The following RBFOX1 variants were observed in gnomAD, a reference collection of about 807,000 sequenced individuals.
RBFOX1 encodes RNA binding protein fox-1 homolog 1.
In RBFOX1, 8 loss-of-function variants were observed where a neutral mutation model predicts 57.7. The ratio of observed to expected loss-of-function variants is 0.14; its 90% CI spans 0.08 to 0.25. The LOEUF is 0.25. Among genes scored for constraint, RBFOX1 ranks in the 10% least tolerant of loss-of-function variants. The pLI, the probability that RBFOX1 is intolerant of heterozygous loss-of-function variation, is 1.00. For synonymous variants in RBFOX1, 326 were observed against 222.4 expected (o/e 1.47, Z -4.15); for missense variants, 611 against 548.5 (o/e 1.11, Z -1.14).
chr16:6,782,095 C>T (rs1329769631), intron 3 of RBFOX1, among the ~76,000 whole-genome samples: 1 of 152,124 alleles, frequency 6.6e-6, no homozygotes, highest in Non-Finnish European at 1.5e-5. Context: ...CAACCTCCGC[C>T]TCCTGGGTTC....
At chr16:7,441,667 T>G (rs1052009109) in intron 4 of RBFOX1, among the ~76,000 whole-genome samples, 1 of 152,322 alleles carries the variant, frequency 6.6e-6, no homozygotes. Flanking sequence ...AATCGAAATT[T>G]TTGGCTTCTT....
At chr16:5,735,848 C>T (rs947194407) in intron 3 of RBFOX1, among the ~76,000 whole-genome samples, 1 of 152,076 alleles carries the variant, frequency 6.6e-6, no homozygotes, top group Admixed American at 6.6e-5. Flanking sequence ...TGCACTCCAG[C>T]CTTGGTGACA....
chr16:7,375,607 C>T (rs1328857602), intron 4 of RBFOX1, among the ~76,000 whole-genome samples: 1 of 151,574 alleles, frequency 6.6e-6, no homozygotes, highest in Admixed American at 6.6e-5. Flanking sequence ...CTAGTTCTTC[C>T]CAAAAGGTAG....
chr16:7,654,069 C>T (rs1303009622), intron 12 of RBFOX1, 122 bp downstream of exon 12: 32 of 1,045,918 alleles, frequency 3.1e-5, no homozygotes, highest in Non-Finnish European at 3.7e-5. Flanking sequence ...GAACCGCCCC[C>T]AGCATGCAGC....
rs78537554 is a variant in RBFOX1, at chr16:5,836,925, C to G, written c.319-30378C>G. Among the ~76,000 whole-genome samples, 460 of 152,302 alleles carry G rather than the reference C, an allele frequency of 3.0e-3. 3 individuals carry two copies. The highest frequency in any genetic ancestry group is 0.011 in the African/African-American group (437 of 41,560). On this transcript the variant is annotated intron_variant, in intron 3 of 19. Coordinates refer to the RBFOX1 transcript ENST00000641259. ...TGACTTGTTTCCTGGTCTCCAACCT[C>G]ACTTCTTCCAATGCATCCTCCACAC... is the stretch of plus-strand genomic sequence containing the variant.
chr16:7,060,090 T>C (rs781659805), intron 4 of RBFOX1, among the ~76,000 whole-genome samples: 18 of 152,168 alleles, frequency 1.2e-4, no homozygotes, highest in Admixed American at 1.2e-3. Flanking sequence ...AAACCCAGAA[T>C]TGATACCATA....
chr16:5,897,105 G>A (rs1184877637), intron 4 of RBFOX1, among the ~76,000 whole-genome samples: 1 of 139,064 alleles, frequency 7.2e-6, no homozygotes, highest in African/African-American at 2.7e-5. Context: ...GCGCAATCTC[G>A]GCTCACTGCA....
intron 4 of RBFOX1, among the ~76,000 whole-genome samples, chr16:5,871,112 A>G (rs1024791225): frequency 5.3e-5 from 8 of 152,240 alleles, no homozygotes; most frequent in Admixed American, 4.6e-4. Context: ...TTCATGGCAT[A>G]TGCCACCCCT....
intron 4 of RBFOX1, among the ~76,000 whole-genome samples, chr16:5,976,386 G>A (rs915541041): frequency 6.6e-6 from 1 of 152,134 alleles, no homozygotes; most frequent in African/African-American, 2.4e-5. Context: ...GTTTTGTAGA[G>A]AAGAGCGGAA....
intron 4 of RBFOX1, among the ~76,000 whole-genome samples, chr16:7,093,555 G>C (rs1200961977): frequency 1.3e-5 from 2 of 152,202 alleles, no homozygotes; most frequent in African/African-American, 4.8e-5. Context: ...GAGGAATGAT[G>C]ATGGACCCTC....
intron 2 of RBFOX1, among the ~76,000 whole-genome samples, chr16:6,399,516 C>G (rs144422793): frequency 9.1e-4 from 138 of 152,288 alleles, no homozygotes; most frequent in African/African-American, 3.2e-3. Context: ...CTGAGACCAC[C>G]TCAGCCAGGA....
chr16:6,085,419 T>G (rs2096069325), intron 1 of RBFOX1, among the ~76,000 whole-genome samples: 1 of 152,146 alleles, frequency 6.6e-6, no homozygotes. Flanking sequence ...AGTACAGGTA[T>G]GCGCCGCTAT....
At chr16:5,329,178 A>G (rs2064673406) in intron 1 of RBFOX1, among the ~76,000 whole-genome samples, 1 of 152,202 alleles carries the variant, frequency 6.6e-6, no homozygotes, top group Admixed American at 6.5e-5. Context: ...AAACCGTATT[A>G]GTTTGTTCTT....
intron 4 of RBFOX1, among the ~76,000 whole-genome samples, chr16:7,187,197 G>A (rs1398674730): frequency 4.6e-5 from 7 of 151,628 alleles, no homozygotes; most frequent in Non-Finnish European, 1.0e-4. Context: ...TAAATAAAAT[G>A]TAGCTCTCTA....
intron 3 of RBFOX1, among the ~76,000 whole-genome samples, chr16:6,718,815 A>T (rs577005384): frequency 1.3e-5 from 2 of 152,290 alleles, no homozygotes; most frequent in South Asian, 4.1e-4. Context: ...ACACACTGGC[A>T]GAAGAGATGT....
intron 3 of RBFOX1, among the ~76,000 whole-genome samples, chr16:7,020,472 A>G (rs1478371157): frequency 6.6e-6 from 1 of 152,020 alleles, no homozygotes; most frequent in African/African-American, 2.4e-5. Flanking sequence ...ACCTGCCTCA[A>G]CCTCCCAAAG....
At chr16:5,289,210 C>T (rs770508926) in intron 1 of RBFOX1, 8 of 330,380 alleles carry the variant, frequency 2.4e-5, no homozygotes, top group South Asian at 9.1e-5. Context: ...TCTGTCTGGT[C>T]GAGTCATTCT....
At chr16:7,107,905 G>A (rs1206689761) in intron 4 of RBFOX1, among the ~76,000 whole-genome samples, 1 of 151,832 alleles carries the variant, frequency 6.6e-6, no homozygotes, top group African/African-American at 2.4e-5. Flanking sequence ...ACGGTGGAGG[G>A]ATTTTTCTGA....
intron 3 of RBFOX1, among the ~76,000 whole-genome samples, chr16:6,924,078 G>A (rs1597356598): frequency 6.6e-6 from 1 of 151,834 alleles, no homozygotes; most frequent in African/African-American, 2.4e-5. Context: ...ACTGAGGCAT[G>A]AGAGTCGCTT....
Sources: gnomAD v4.1 joint callset for allele counts (sites outside exome capture counted in the v4.1 genomes callset) on GRCh38, gnomAD v4.1.1 for gene constraint, MANE v1.5 for transcripts, NCBI Gene and HGNC (gene_info 2026-07-23, HGNC 2026-07-21) for gene names.